WDR76: variants seen among roughly 807,000 people sequenced by gnomAD.
WDR76 encodes the protein WD repeat-containing protein 76.
WDR76 carries 52 observed loss-of-function variants against 70.2 expected under a neutral mutation model. That is an observed-to-expected ratio of 0.74 (90% CI 0.59 to 0.93). WDR76 has a LOEUF of 0.93. Among genes scored for constraint, WDR76 ranks in the 40% least tolerant of loss-of-function variants. WDR76 has a pLI of 0.00. For missense variants in WDR76, 756 were observed against 760.2 expected (o/e 0.99, Z 0.07); for synonymous variants, 292 against 271.1 (o/e 1.08, Z -0.76).
chr15:43,828,340 A>T lies in WDR76; in HGVS notation c.436A>T (p.Ser146Cys), dbSNP rs1389309586. The change falls in exon 2 of 13, where the codon AGT becomes TGT. Residue 146 changes from serine to cysteine, a missense_variant. Physicochemically the swap from Ser to Cys is moderately radical, Grantham distance 112. Coordinates refer to ENST00000263795, the MANE Select transcript of WDR76 (RefSeq NM_024908.4). ...TGTGGAAAGTAGTCAGGATGGAGACAGTGATGAAGATACCACACCATCCCT... is the reference window on the plus strand; with the variant it reads ...TGTGGAAAGTAGTCAGGATGGAGACTGTGATGAAGATACCACACCATCCCT... ...VDVESSQDGDSDEDTTPSLDF... is the reference protein window; with the variant it reads ...VDVESSQDGDCDEDTTPSLDF... 6.2e-7 allele frequency: 1 copy of T among 1,612,578 alleles called. No individual in the cohort carries two copies. Among genetic ancestry groups the T allele is most frequent in the Non-Finnish European group, 8.5e-7 (1 of 1,179,388 alleles).
chr15:43,848,572 G>A (rs1026740448), intron 8 of WDR76, among the ~76,000 whole-genome samples: 1 of 152,204 alleles, frequency 6.6e-6, no homozygotes, highest in Non-Finnish European at 1.5e-5. Flanking sequence ...TGTCTTCAAA[G>A]GAAGTTTTCT....
At chr15:43,827,348 A>C (rs1382959440) in intron 1 of WDR76, among the ~76,000 whole-genome samples, 1 of 152,180 alleles carries the variant, frequency 6.6e-6, no homozygotes, top group Non-Finnish European at 1.5e-5. Context: ...CACACTCTTT[A>C]AATAATTCCA....
At chr15:43,831,983 G>A (rs1020904980) in intron 2 of WDR76, among the ~76,000 whole-genome samples, 7 of 151,924 alleles carry the variant, frequency 4.6e-5, no homozygotes, top group Non-Finnish European at 7.4e-5. Context: ...TCCTGACCTC[G>A]TGATCTGCCG....
chr15:43,865,102 A>AT (rs968327964), intron 12 of WDR76, among the ~76,000 whole-genome samples: 201 of 136,420 alleles, frequency 1.5e-3, no homozygotes, highest in African/African-American at 3.7e-3. Flanking sequence ...TTGTATTTTT[A>AT]TTTTTTTTTT....
chr15:43,866,395 TTTTGG>T lies in WDR76; in HGVS notation c.*7_*11del. ...TTATGAATGAAAAAAGCTGCTGAGT[TTTTGG>T]TTTAGGAACATCAATTTGTTCAAAT... On this transcript the variant is annotated 3_prime_UTR_variant, in exon 13 of 13. Coordinates refer to ENST00000263795, the MANE Select transcript of WDR76 (RefSeq NM_024908.4). 1 of 1,613,452 alleles carries T rather than the reference TTTTGG, an allele frequency of 6.2e-7. No homozygotes were observed. The highest frequency in any genetic ancestry group is 8.5e-7 in the Non-Finnish European group (1 of 1,179,458).
Position 43,866,140 on chromosome 15 carries a change from C to G in WDR76, c.1629C>G (p.Phe543Leu), listed in dbSNP as rs938224937. The change falls in exon 13 of 13, where the codon TTC becomes TTG. Residue 543 changes from phenylalanine (F) to leucine (L), a missense_variant. Coordinates refer to ENST00000263795, the MANE Select transcript of WDR76 (RefSeq NM_024908.4). The part of the protein sequence containing the change: ...PLLTTIRHNT[F>L]TGRWLTRFQA... ...TTTTCCTCACTAGGCACAACACTTT[C>G]ACTGGGCGATGGCTGACCAGGTTCC... 3 of 1,614,152 alleles carry G rather than the reference C, an allele frequency of 1.9e-6. No individual in the cohort carries two copies. The highest frequency in any genetic ancestry group is 2.5e-6 in the Non-Finnish European group (3 of 1,179,980).
At chr15:43,839,967 C>T (rs2087704635) in intron 5 of WDR76, among the ~76,000 whole-genome samples, 2 of 152,126 alleles carry the variant, frequency 1.3e-5, no homozygotes, top group African/African-American at 4.8e-5. Flanking sequence ...AAGCGATTCT[C>T]CTGCCTCAGC....
chr15:43,861,855 G>A (rs1440761210), intron 12 of WDR76, among the ~76,000 whole-genome samples: 1 of 47,384 alleles, frequency 2.1e-5, no homozygotes, highest in Non-Finnish European at 4.4e-5. Flanking sequence ...TTTTTTTTTT[G>A]AGATGGAGTG....
intron 4 of WDR76, 73 bp from the exon 5 acceptor site, chr15:43,839,532 T>C: frequency 1.4e-6 from 2 of 1,450,552 alleles, no homozygotes; most frequent in Non-Finnish European, 1.9e-6. Context: ...TTCCTAGAAG[T>C]TATCTCTTTA....
intron 2 of WDR76, among the ~76,000 whole-genome samples, chr15:43,834,258 T>C (rs1018554854): frequency 4.6e-5 from 7 of 151,900 alleles, no homozygotes; most frequent in Admixed American, 6.6e-5. Context: ...TTACTCACTC[T>C]ACTGCGTTTA....
chr15:43,846,511 T>C (rs1254392761), intron 8 of WDR76, among the ~76,000 whole-genome samples: 1 of 149,044 alleles, frequency 6.7e-6, no homozygotes, highest in Non-Finnish European at 1.5e-5. Flanking sequence ...CTCAAACTCC[T>C]GAGCTCAAGC....
intron 12 of WDR76, among the ~76,000 whole-genome samples, chr15:43,865,299 G>T (rs1424934059): frequency 7.2e-6 from 1 of 139,312 alleles, no homozygotes; most frequent in South Asian, 2.3e-4. Context: ...TTGAGACAGA[G>T]TCTCACTCTG....
At chr15:43,850,879 T>G (rs561606127) in intron 8 of WDR76, among the ~76,000 whole-genome samples, 32 of 152,218 alleles carry the variant, frequency 2.1e-4, no homozygotes, top group Non-Finnish European at 4.1e-4. Flanking sequence ...TGTGACTTGG[T>G]ATTGTTGGAT....
chr15:43,839,983 G>T (rs963399438), intron 5 of WDR76, among the ~76,000 whole-genome samples: 2 of 151,864 alleles, frequency 1.3e-5, no homozygotes, highest in African/African-American at 4.8e-5. Context: ...TCAGCCTCCC[G>T]AATAGCTGGG....
chr15:43,852,341 G>A (rs150342172), intron 9 of WDR76, among the ~76,000 whole-genome samples: 1 of 151,142 alleles, frequency 6.6e-6, no homozygotes, highest in Non-Finnish European at 1.5e-5. Flanking sequence ...CCATCATCAC[G>A]CCCGGGTAAT....
At chr15:43,839,797 G>C in intron 5 of WDR76, 69 bp downstream of exon 5, 4 of 1,429,106 alleles carry the variant, frequency 2.8e-6, no homozygotes, top group Non-Finnish European at 3.8e-6. Context: ...GTTGAAACTA[G>C]ACTAAAAGTT....
At chr15:43,832,751 T>TTG (rs1567182154) in intron 2 of WDR76, among the ~76,000 whole-genome samples, 1 of 130,194 alleles carries the variant, frequency 7.7e-6, no homozygotes, top group East Asian at 2.3e-4. Flanking sequence ...TTGTTTTTTT[T>TTG]TTTTTTTTTT....
In WDR76 at chr15:43,829,752, C is replaced by G. The variant is rs532519195; in HGVS notation, c.462+1386C>G. On this transcript the variant is annotated intron_variant, in intron 2 of 12. Coordinates refer to ENST00000263795, the MANE Select transcript of WDR76 (RefSeq NM_024908.4). ...CGATCTCCTGACCTCATGATCCGCC[C>G]GCCTCGGCCTCCCAAAGTGCTGGAA... Among the ~76,000 whole-genome samples the G allele has an allele frequency of 3.9e-4, 59 of 151,964 alleles. 1 individual carries two copies. The South Asian group carries it at 0.011, about 29-fold the overall frequency.
At chr15:43,865,558 ACTG>A (rs1384274410) in intron 12 of WDR76, among the ~76,000 whole-genome samples, 1 of 152,138 alleles carries the variant, frequency 6.6e-6, no homozygotes, top group Admixed American at 6.5e-5. Context: ...GGTGTGAGCC[ACTG>A]TACCTGGCCA....
Sources: allele counts gnomAD v4.1 joint callset (sites outside exome capture counted in the v4.1 genomes callset), GRCh38; gene constraint gnomAD v4.1.1; transcripts MANE v1.5; gene names NCBI Gene and HGNC (gene_info 2026-07-23, HGNC 2026-07-21).